ASTN2: variants seen among roughly 807,000 people sequenced by gnomAD.
The protein encoded by ASTN2 is astrotactin-2.
A neutral mutation model predicts 139.8 loss-of-function variants in ASTN2; 54 were observed. The ratio of observed to expected loss-of-function variants is 0.39; its 90% CI spans 0.31 to 0.48. The LOEUF (loss-of-function observed/expected upper bound fraction) is 0.48. Ranked by LOEUF, ASTN2 falls within the 20% of genes least tolerant of loss-of-function variation. ASTN2 has a pLI of 0.95. For synonymous variants in ASTN2, 756 were observed against 719.5 expected, an observed-to-expected ratio of 1.05 and a Z score of -0.81; for missense variants, 1,565 against 1,725.1, an observed-to-expected ratio of 0.91 and a Z score of 1.64.
chr9:117,392,007 T>C (rs756750109), intron 1 of ASTN2, among the ~76,000 whole-genome samples: 1 of 152,098 alleles, frequency 6.6e-6, no homozygotes, highest in Non-Finnish European at 1.5e-5. Flanking sequence ...TGATACAAGA[T>C]GTAGGTTCCC....
At chr9:117,037,002 T>C (rs1252481801) in intron 6 of ASTN2, among the ~76,000 whole-genome samples, 1 of 152,084 alleles carries the variant, frequency 6.6e-6, no homozygotes. Flanking sequence ...GTTGTGTGCT[T>C]AGAGATCTAC....
chr9:116,911,280 C>T (rs1185614677), intron 10 of ASTN2, among the ~76,000 whole-genome samples: 1 of 152,136 alleles, frequency 6.6e-6, no homozygotes, highest in Non-Finnish European at 1.5e-5. Context: ...GATCAAGACG[C>T]TTATCCATTG....
chr9:116,952,740 T>C (rs1835598766), intron 10 of ASTN2, among the ~76,000 whole-genome samples: 1 of 152,206 alleles, frequency 6.6e-6, no homozygotes, highest in African/African-American at 2.4e-5. Flanking sequence ...GCCGCTGATA[T>C]TGGCCTCAAG....
intron 10 of ASTN2, among the ~76,000 whole-genome samples, chr9:116,930,617 G>A (rs975008582): frequency 6.6e-6 from 1 of 152,168 alleles, no homozygotes; most frequent in African/African-American, 2.4e-5. Context: ...AGAGGGGATG[G>A]CATCAAAGAT....
rs1001078660 is a variant in ASTN2 at position 117,071,324 on chromosome 9, G to A, written c.1276+24720C>T. Among the ~76,000 whole-genome samples, 698 of 151,882 alleles carry A rather than the reference G, an allele frequency of 4.6e-3. 6 individuals are homozygous for A. The highest frequency in any genetic ancestry group is 0.016 in the African/African-American group (672 of 41,264). On this transcript the variant is annotated intron_variant, in intron 5 of 22. Transcript: ENST00000313400. ...GGGTGCCTCCCAGTTAGGCTGCTCG[G>A]GGGTCAGGGGTCAGGGACCCACTTG...
chr9:116,650,424 C>T (rs1013584913), intron 17 of ASTN2, among the ~76,000 whole-genome samples: 10 of 152,130 alleles, frequency 6.6e-5, no homozygotes. Context: ...CATGGCTAAG[C>T]ATATAAACTC....
At chr9:117,146,635 A>G (rs932229392) in intron 3 of ASTN2, among the ~76,000 whole-genome samples, 6 of 152,124 alleles carry the variant, frequency 3.9e-5, no homozygotes, top group Non-Finnish European at 7.3e-5. Context: ...GGAAAAGAAA[A>G]CAAGAAAAAG....
chr9:117,130,813 C>A (rs1170542212), intron 4 of ASTN2, among the ~76,000 whole-genome samples: 1 of 152,046 alleles, frequency 6.6e-6, no homozygotes, highest in Non-Finnish European at 1.5e-5. Flanking sequence ...AATATTGAAG[C>A]CCAATATATA....
intron 19 of ASTN2, among the ~76,000 whole-genome samples, chr9:116,517,239 G>A (rs915667438): frequency 2.6e-5 from 4 of 152,174 alleles, no homozygotes; most frequent in African/African-American, 9.7e-5. Flanking sequence ...AAACACAACT[G>A]AGGACCATCA....
At chr9:116,657,894 T>A in intron 16 of ASTN2, among the ~76,000 whole-genome samples, 1 of 151,436 alleles carries the variant, frequency 6.6e-6, no homozygotes, top group East Asian at 1.9e-4. Flanking sequence ...CAAGATTTTT[T>A]TTTTTTTTTT....
chr9:117,096,033 G>T lies in ASTN2; in HGVS notation c.1276+11C>A. The T allele has an allele frequency of 1.2e-6, 2 of 1,612,470 alleles. No homozygotes were observed. Among genetic ancestry groups the T allele is most frequent in the South Asian group, 1.1e-5 (1 of 91,014 alleles). ...AACTCTGGTTCTGGAACCTTCCAAG[G>T]ACACTATTACCTTTGCTGCGGCGGC... is the stretch of plus-strand genomic sequence containing the variant. On this transcript the variant is annotated intron_variant, in intron 5 of 22. Coordinates refer to ENST00000313400, the MANE Select transcript of ASTN2 (RefSeq NM_001365068.1).
At chr9:116,920,538 CT>C (rs1834576038) in intron 10 of ASTN2, among the ~76,000 whole-genome samples, 1 of 152,182 alleles carries the variant, frequency 6.6e-6, no homozygotes, top group Non-Finnish European at 1.5e-5. Flanking sequence ...GCCTTCTTGC[CT>C]TAATAGTACA....
chr9:116,928,159 G>A (rs76384369), intron 10 of ASTN2, among the ~76,000 whole-genome samples: 1 of 152,124 alleles, frequency 6.6e-6, no homozygotes, highest in Non-Finnish European at 1.5e-5. Context: ...CCTGGCAGAT[G>A]CCGTATGTGA....
chr9:117,331,084 G>A (rs1226417186), intron 1 of ASTN2, among the ~76,000 whole-genome samples: 1 of 152,118 alleles, frequency 6.6e-6, no homozygotes, highest in Non-Finnish European at 1.5e-5. Flanking sequence ...CGTCACTTTT[G>A]GCTGAATCAC....
At chr9:117,054,337 C>G (rs1046318954) in intron 5 of ASTN2, among the ~76,000 whole-genome samples, 1 of 152,196 alleles carries the variant, frequency 6.6e-6, no homozygotes, top group Non-Finnish European at 1.5e-5. Flanking sequence ...ACTGTGCCAC[C>G]TGGAGCAAAT....
rs773692844 is a variant in ASTN2, at chr9:116,729,114, A to G, written c.2522-18T>C. On this transcript the variant is annotated intron_variant, in intron 14 of 22. Transcript: ENST00000313400. ...GATATCTCCTGGGAGAGAAAATAAG[A>G]TGGTCACGTGAGCCCAGAATTAAGA... is the stretch of plus-strand genomic sequence containing the variant. The G allele has an allele frequency of 1.3e-6, 2 of 1,550,876 alleles. No individual in the cohort carries two copies. Among genetic ancestry groups the G allele is most frequent in the Non-Finnish European group, 1.8e-6 (2 of 1,142,002 alleles).
At chr9:116,910,960 A>G (rs1834293695) in intron 10 of ASTN2, among the ~76,000 whole-genome samples, 1 of 152,180 alleles carries the variant, frequency 6.6e-6, no homozygotes, top group South Asian at 2.1e-4. Flanking sequence ...CACTTTATAA[A>G]GCAGCATCTG....
intron 6 of ASTN2, among the ~76,000 whole-genome samples, chr9:117,014,346 C>T (rs1401593355): frequency 6.6e-6 from 1 of 152,114 alleles, no homozygotes; most frequent in Non-Finnish European, 1.5e-5. Flanking sequence ...TGGTTAAAAA[C>T]AAGCTTGAGG....
intron 19 of ASTN2, among the ~76,000 whole-genome samples, chr9:116,615,225 A>G (rs182149532): frequency 4.9e-4 from 75 of 152,290 alleles, no homozygotes; most frequent in African/African-American, 1.7e-3. Context: ...TCAGAAAACA[A>G]CAGGTGCTGG....
Sources: allele counts gnomAD v4.1 joint callset (sites outside exome capture counted in the v4.1 genomes callset), GRCh38; gene constraint gnomAD v4.1.1; transcripts MANE v1.5; gene names NCBI Gene and HGNC (gene_info 2026-07-23, HGNC 2026-07-21).